The following SASH1 variants were observed in gnomAD, a reference collection of about 807,000 sequenced individuals.
SASH1 encodes SAM and SH3 domain containing 1, also known as SAM and SH3 domain-containing protein 1.
A neutral mutation model predicts 125.2 loss-of-function variants in SASH1; 44 were observed. The ratio of observed to expected loss-of-function variants is 0.35; its 90% confidence interval spans 0.28 to 0.45. The LOEUF is 0.45. Ranked by LOEUF, SASH1 falls within the 20% of genes least tolerant of loss-of-function variation. SASH1 has a pLI of 1.00. For missense variants in SASH1, 1,426 were observed against 1,614.5 expected, an observed-to-expected ratio of 0.88 and a Z score of 2.00; for synonymous variants, 639 against 649.1, an observed-to-expected ratio of 0.98 and a Z score of 0.24.
the SASH1 span, among the ~76,000 whole-genome samples, chr6:148,233,211 T>C: frequency 6.5e-5 from 9 of 137,564 alleles, no homozygotes; most frequent in Admixed American, 6.7e-4. Context: ...AGAAACTCCA[T>C]CTTAAAAAAA....
chr6:148,217,628 G>T, the SASH1 span, among the ~76,000 whole-genome samples: 1 of 152,008 alleles, frequency 6.6e-6, no homozygotes, highest in Non-Finnish European at 1.5e-5. Flanking sequence ...TATCCCTCAG[G>T]AAACAGCCAG....
In SASH1 at chr6:148,390,546, A is replaced by G. The variant is rs7774517; in HGVS notation, c.285+284A>G. 0.75 allele frequency among the ~76,000 whole-genome samples: 114,019 copies of G among 152,132 alleles called. 43,012 individuals are homozygous for G. The highest frequency in any genetic ancestry group is 0.84 in the South Asian group (4,042 of 4,822). On this transcript the variant is annotated intron_variant, in intron 2 of 19. Transcript: ENST00000367467. ...TCACGCCTGTAATCCCAGCACTTTG[A>G]GAGGCCCAGGCGGGCGGATCACGAG...
Position 148,307,088 on chromosome 6 carries a change from CTT to C in SASH1, n.74+34713_74+34714del, listed in dbSNP as rs1160840407. 2.2e-3 allele frequency among the ~76,000 whole-genome samples: 308 copies of C among 138,078 alleles called. 3 individuals carry two copies. The highest frequency in any genetic ancestry group is 8.4e-3 in the African/African-American group (283 of 33,804). The allele number at this position is 138,078 out of a possible 152,430, so 90.6% of individuals were successfully genotyped here. A position where few individuals can be genotyped will look rare whatever the true frequency, so the allele number is the denominator to read the frequency against. On this transcript the variant is annotated intron_variant and non_coding_transcript_variant, in intron 1 of 3. Coordinates refer to the SASH1 transcript ENST00000367469. ...TCTTTCTTTCTTTCTTTCTTTCTTT[CTT>C]TCTTTCTCTCTCTCTGTCTCTTTCT...
chr6:148,364,609 G>A (rs1782374668), intron 1 of SASH1, among the ~76,000 whole-genome samples: 1 of 152,112 alleles, frequency 6.6e-6, no homozygotes, highest in African/African-American at 2.4e-5. Flanking sequence ...AGTTGCTATA[G>A]TTGGGACAGG....
rs1289665677 is a variant in SASH1 at position 148,532,628 on chromosome 6, C to T, written c.1565-169C>T. 1.3e-5 allele frequency among the ~76,000 whole-genome samples: 2 copies of T among 152,226 alleles called. No individual in the cohort carries two copies. Among genetic ancestry groups the T allele is most frequent in the African/African-American group, 2.4e-5 (1 of 41,456 alleles). On this transcript the variant is annotated intron_variant, in intron 13 of 19. Transcript: ENST00000367467. This position sits in a 1 kb window ranked among gnomAD's most constrained non-coding sequence, Gnocchi z 4.7. ...TCCACTGAGGAGCTGAGGGATAGCA[C>T]TCGGAGAATTCATAACTGGGCCCTG...
At chr6:148,335,051 A>AC (rs1473123246) in intron 1 of SASH1, among the ~76,000 whole-genome samples, 1 of 151,382 alleles carries the variant, frequency 6.6e-6, no homozygotes, top group Non-Finnish European at 1.5e-5. Flanking sequence ...TAATCCCAGC[A>AC]CTATGGGAGG....
chr6:148,258,831 G>A, the SASH1 span, among the ~76,000 whole-genome samples: 10 of 152,180 alleles, frequency 6.6e-5, no homozygotes, highest in African/African-American at 2.4e-4. Flanking sequence ...TCTGCACAAA[G>A]GGAAAACTCA....
At chr6:148,339,988 G>C (rs1781274230), upstream of SASH1, among the ~76,000 whole-genome samples, 2 of 152,198 alleles carry the variant, frequency 1.3e-5, no homozygotes, top group South Asian at 4.1e-4. Context: ...CTAGCACCAG[G>C]TCAAATGCTT....
chr6:148,349,065 C>G (rs1423751939), intron 1 of SASH1, among the ~76,000 whole-genome samples: 1 of 151,834 alleles, frequency 6.6e-6, no homozygotes, highest in East Asian at 1.9e-4. Flanking sequence ...AAGGAAGGTG[C>G]GAGGTGGGCC....
the SASH1 span, among the ~76,000 whole-genome samples, chr6:148,243,599 C>T: frequency 2.2e-5 from 3 of 138,492 alleles, no homozygotes; most frequent in Admixed American, 7.8e-5. Context: ...GCCAAGATCA[C>T]GCCACTGTGC....
At chr6:148,296,148 CAG>C (rs1335189144) in intron 1 of SASH1, among the ~76,000 whole-genome samples, 8 of 151,304 alleles carry the variant, frequency 5.3e-5, no homozygotes, top group Admixed American at 6.6e-5. Context: ...TGTTTTGAGA[CAG>C]AGTCTCACTC....
At chr6:148,336,062 C>T (rs1433766501) in intron 1 of SASH1, among the ~76,000 whole-genome samples, 1 of 151,976 alleles carries the variant, frequency 6.6e-6, no homozygotes, top group Non-Finnish European at 1.5e-5. Flanking sequence ...TGGAATTTTC[C>T]CATTTCACAG....
At chr6:148,354,824 G>A (rs1781866537) in intron 1 of SASH1, among the ~76,000 whole-genome samples, 3 of 152,124 alleles carry the variant, frequency 2.0e-5, no homozygotes, top group African/African-American at 4.8e-5. Context: ...GTGCAGTGGC[G>A]CAATCTCGGC....
chr6:148,474,134 G>A lies in SASH1; in HGVS notation c.539G>A (p.Ser180Asn). The A allele has an allele frequency of 6.2e-7, 1 of 1,611,734 alleles. No individual in the cohort carries two copies. The highest frequency in any genetic ancestry group is 8.5e-7 in the Non-Finnish European group (1 of 1,178,926). The change falls in exon 7 of 20, where the codon AGT becomes AAT. Residue 180 changes from serine to asparagine, a missense_variant. Around this residue, in one of 3 missense-constraint regions of SASH1, gnomAD observed 567 missense variants for 575.6 expected, o/e 0.99. Coordinates refer to ENST00000367467, the MANE Select transcript of SASH1 (RefSeq NM_015278.5). ...GGAGAAGACGTTGGTTATGTTGCCA[G>A]TGAAATAACGATGAGCGATGAGGAG... ...SKGEDVGYVA[S>N]EITMSDEERI...
chr6:148,225,307 T>C, the SASH1 span, among the ~76,000 whole-genome samples: 6 of 152,234 alleles, frequency 3.9e-5, no homozygotes, highest in African/African-American at 1.4e-4. Flanking sequence ...ATAAATCTAA[T>C]TCTTTATCAT....
intron 1 of SASH1, among the ~76,000 whole-genome samples, chr6:148,328,522 G>A (rs1484313273): frequency 2.6e-5 from 4 of 151,966 alleles, no homozygotes; most frequent in African/African-American, 9.7e-5. Flanking sequence ...GAACCCGGGA[G>A]GTGGAGTTTG....
the SASH1 span, among the ~76,000 whole-genome samples, chr6:148,236,124 G>A: frequency 2.0e-5 from 3 of 152,176 alleles, no homozygotes; most frequent in South Asian, 6.2e-4. Flanking sequence ...ATGGTGGCAT[G>A]CAGGAAACTA....
chr6:148,222,778 ATCTCTCTC>A, the SASH1 span, among the ~76,000 whole-genome samples: 20 of 146,694 alleles, frequency 1.4e-4, no homozygotes, highest in East Asian at 4.0e-4. Flanking sequence ...TTCCCCTTCG[ATCTCTCTC>A]TCTCTCTCTC....
At chr6:148,396,667 C>T (rs982023026) in intron 2 of SASH1, among the ~76,000 whole-genome samples, 4 of 151,982 alleles carry the variant, frequency 2.6e-5, no homozygotes, top group Non-Finnish European at 5.9e-5. Flanking sequence ...GACTGTACCA[C>T]CCCCTCTCCA....
Sources: allele counts gnomAD v4.1 joint callset (sites outside exome capture counted in the v4.1 genomes callset), GRCh38; gene constraint gnomAD v4.1.1; regional missense constraint gnomAD v4.1.1; non-coding constraint Gnocchi (gnomAD v3.1); transcripts MANE v1.5; gene names NCBI Gene and HGNC (gene_info 2026-07-23, HGNC 2026-07-21).